Variants in CHD9 observed in about 807,000 individuals in gnomAD.
The protein encoded by CHD9 is ATP-dependent chromatin remodeler CHD9.
Under a neutral mutation model 316.1 loss-of-function variants are expected in CHD9, and 77 were observed. That is an observed-to-expected ratio of 0.24 (90% confidence interval 0.20 to 0.29). The LOEUF (loss-of-function observed/expected upper bound fraction) is 0.29. Ranked by LOEUF, CHD9 falls within the 10% of genes least tolerant of loss-of-function variation. The pLI is 1.00. For synonymous variants in CHD9, 1,129 were observed against 1,158.3 expected, an observed-to-expected ratio of 0.97 and a Z score of 0.51; for missense variants, 2,763 against 3,438.1, an observed-to-expected ratio of 0.80 and a Z score of 4.91.
intron 2 of CHD9, among the ~76,000 whole-genome samples, chr16:53,197,348 G>A (rs1453393344): frequency 1.3e-5 from 2 of 152,130 alleles, no homozygotes; most frequent in African/African-American, 2.4e-5. Flanking sequence ...TTTAATTATA[G>A]TAGGATTTGA....
intron 1 of CHD9, among the ~76,000 whole-genome samples, chr16:53,085,159 C>T (rs2035355449): frequency 6.6e-6 from 1 of 152,134 alleles, no homozygotes; most frequent in Non-Finnish European, 1.5e-5. Flanking sequence ...AAGTGAGTAG[C>T]TGCTGCCCCT....
chr16:53,273,981 C>G (rs962527893), intron 23 of CHD9, among the ~76,000 whole-genome samples, 196 bp downstream of exon 23: 1 of 152,114 alleles, frequency 6.6e-6, no homozygotes, highest in South Asian at 2.1e-4. Flanking sequence ...ATAAGTAAAA[C>G]TGGCCTCCAA....
intron 1 of CHD9, among the ~76,000 whole-genome samples, chr16:53,140,635 G>A (rs894874654): frequency 1.3e-5 from 2 of 152,086 alleles, no homozygotes; most frequent in African/African-American, 4.8e-5. Flanking sequence ...CTCCTGTGCT[G>A]GAGTGCAGTA....
At chr16:53,241,719 C>T (rs1323350045) in intron 12 of CHD9, among the ~76,000 whole-genome samples, 6 of 152,186 alleles carry the variant, frequency 3.9e-5, no homozygotes, top group African/African-American at 1.4e-4. Context: ...CAAAATGTAT[C>T]TAGAACTGAC....
At chr16:53,231,205 C>T (rs1313895118) in intron 8 of CHD9, among the ~76,000 whole-genome samples, 1 of 151,980 alleles carries the variant, frequency 6.6e-6, no homozygotes. Flanking sequence ...TTCTAGAGTA[C>T]CTTATATTTT....
intron 19 of CHD9, among the ~76,000 whole-genome samples, chr16:53,259,740 C>T (rs1206667225): frequency 6.6e-6 from 1 of 152,098 alleles, no homozygotes; most frequent in African/African-American, 2.4e-5. Flanking sequence ...GTCTCAAATT[C>T]CTGAGCTCAA....
intron 1 of CHD9, among the ~76,000 whole-genome samples, chr16:53,087,205 G>T (rs917552255): frequency 6.6e-6 from 1 of 152,066 alleles, no homozygotes; most frequent in African/African-American, 2.4e-5. Context: ...AGCCATTAAG[G>T]GCCCTCCAAA....
intron 1 of CHD9, among the ~76,000 whole-genome samples, chr16:53,154,601 C>T (rs941714901): frequency 1.3e-5 from 2 of 152,240 alleles, no homozygotes; most frequent in East Asian, 1.9e-4. Flanking sequence ...AACTGTTCCA[C>T]CTCAGGCATT....
intron 1 of CHD9, among the ~76,000 whole-genome samples, chr16:53,120,398 G>A (rs1344972605): frequency 1.3e-5 from 2 of 152,088 alleles, no homozygotes; most frequent in African/African-American, 4.8e-5. Context: ...CGGATCACCT[G>A]AGGTCGGGAG....
intron 1 of CHD9, among the ~76,000 whole-genome samples, chr16:53,061,895 A>T (rs1449220817): frequency 6.6e-6 from 1 of 152,244 alleles, no homozygotes; most frequent in Non-Finnish European, 1.5e-5. Flanking sequence ...TGTGCAACTC[A>T]TACCACAAGG....
chr16:53,189,852 T>C (rs935708084), intron 2 of CHD9, among the ~76,000 whole-genome samples: 1 of 152,276 alleles, frequency 6.6e-6, no homozygotes, highest in African/African-American at 2.4e-5. Context: ...ATATTTGAGA[T>C]CAACAAAATA....
chr16:53,280,458 T>C (rs746784505), intron 24 of CHD9, among the ~76,000 whole-genome samples: 3 of 151,692 alleles, frequency 2.0e-5, no homozygotes, highest in Non-Finnish European at 1.5e-5. Context: ...TTCTCATAAG[T>C]GGAAGCTAAG....
intron 3 of CHD9, among the ~76,000 whole-genome samples, chr16:53,216,403 G>A (rs371663213): frequency 1.3e-5 from 2 of 152,052 alleles, no homozygotes; most frequent in East Asian, 3.8e-4. Context: ...TTTACTAAAA[G>A]ATAATATAGT....
chr16:53,086,226 T>G (rs2035449814), intron 1 of CHD9, among the ~76,000 whole-genome samples: 1 of 152,166 alleles, frequency 6.6e-6, no homozygotes, highest in African/African-American at 2.4e-5. Flanking sequence ...AAGATGCCCA[T>G]GAAAAGGTCT....
intron 17 of CHD9, among the ~76,000 whole-genome samples, chr16:53,251,708 C>T (rs1367080406): frequency 6.6e-6 from 1 of 152,180 alleles, no homozygotes; most frequent in African/African-American, 2.4e-5. Flanking sequence ...ATTTATCATA[C>T]AAAGTTTAAG....
chr16:53,271,042 C>G (rs1010465625), intron 22 of CHD9, among the ~76,000 whole-genome samples: 1 of 151,808 alleles, frequency 6.6e-6, no homozygotes, highest in Non-Finnish European at 1.5e-5. Context: ...TGTGTGCATT[C>G]TGGTTGTTCT....
intron 2 of CHD9, among the ~76,000 whole-genome samples, chr16:53,198,286 A>G (rs2045113202): frequency 1.3e-5 from 2 of 151,456 alleles, no homozygotes; most frequent in South Asian, 2.1e-4. Context: ...TCTAACATCA[A>G]GTAGCACCTG....
rs149448150 is a variant in CHD9, at chr16:53,301,953, C to T, written c.5714-1767C>T. Among the ~76,000 whole-genome samples, 360 of 151,806 alleles carry T rather than the reference C, an allele frequency of 2.4e-3. 3 individuals carry two copies. The highest frequency in any genetic ancestry group is 8.4e-3 in the African/African-American group (347 of 41,404). ...CTAATTTTTGTGTTTTTAGTAGAGA[C>T]GGGGTTTCACCGTGTTAGCCAGGAT... is the stretch of plus-strand genomic sequence containing the variant. On this transcript the variant is annotated intron_variant, in intron 30 of 38. Transcript: ENST00000447540.
At chr16:53,290,652 C>CT (rs1433864753) in intron 27 of CHD9, among the ~76,000 whole-genome samples, 1 of 152,048 alleles carries the variant, frequency 6.6e-6, no homozygotes, top group Non-Finnish European at 1.5e-5. Flanking sequence ...ATGACATTTG[C>CT]TTGTAGTCCC....
Sources: gnomAD v4.1 joint callset for allele counts (sites outside exome capture counted in the v4.1 genomes callset) on GRCh38, gnomAD v4.1.1 for gene constraint, MANE v1.5 for transcripts, NCBI Gene and HGNC (gene_info 2026-07-23, HGNC 2026-07-21) for gene names.